Variants in ANK2 observed in about 807,000 individuals in gnomAD.
ANK2 encodes ankyrin-2.
ANK2 carries 83 observed loss-of-function variants against 360.5 expected under a neutral mutation model. The ratio of observed to expected loss-of-function variants is 0.23; its 90% confidence interval spans 0.19 to 0.28. The LOEUF is 0.28. Among genes scored for constraint, ANK2 ranks in the 10% least tolerant of loss-of-function variants. The pLI is 1.00. For synonymous variants in ANK2, 1,740 were observed against 1,759.5 expected, an observed-to-expected ratio of 0.99 and a Z score of 0.28; for missense variants, 4,201 against 4,795.7, an observed-to-expected ratio of 0.88 and a Z score of 3.66.
At chr4:113,298,695 T>C (rs1487861903) in intron 22 of ANK2, among the ~76,000 whole-genome samples, 2 of 152,222 alleles carry the variant, frequency 1.3e-5, no homozygotes, top group African/African-American at 4.8e-5. Context: ...GTACTTAGTG[T>C]CCTACTCATT....
chr4:112,816,571 A>G (rs2055657084), upstream of ANK2, among the ~76,000 whole-genome samples: 1 of 152,186 alleles, frequency 6.6e-6, no homozygotes, highest in South Asian at 2.1e-4. Context: ...ATTAACATAT[A>G]AGAAAATGGC....
intron 20 of ANK2, among the ~76,000 whole-genome samples, chr4:113,288,954 G>GGGC (rs2153733403): frequency 6.6e-6 from 1 of 152,214 alleles, no homozygotes; most frequent in South Asian, 2.1e-4. Context: ...TATAAGGCCT[G>GGGC]GGCTGGAAGT....
At chr4:112,743,415 C>T in the ANK2 span, among the ~76,000 whole-genome samples, 1 of 151,984 alleles carries the variant, frequency 6.6e-6, no homozygotes, top group East Asian at 1.9e-4. Flanking sequence ...AGATAACTTC[C>T]TTATATTATA....
In ANK2 at chr4:112,932,308, A is replaced by G. The variant is rs895945647; in HGVS notation, c.21+27794A>G. On this transcript the variant is annotated intron_variant, in intron 2 of 30. Transcript: ENST00000503271. The stretch of plus-strand genomic sequence containing the variant: ...GGAGTTCGAGACCAGCCTGACCCAC[A>G]TGGTGAAACCCCATCTCTACTAAAA... Among the ~76,000 whole-genome samples, 4 of 152,262 alleles carry G rather than the reference A, an allele frequency of 2.6e-5. No homozygotes were observed. The South Asian group carries it at 8.3e-4, about 32-fold the overall frequency.
At chr4:112,855,430 A>C (rs1412804097) in intron 1 of ANK2, among the ~76,000 whole-genome samples, 1 of 152,220 alleles carries the variant, frequency 6.6e-6, no homozygotes, top group Non-Finnish European at 1.5e-5. Context: ...GTACACTGAC[A>C]ACAGGTTGCA....
chr4:113,290,152 T>C (rs1246149759), intron 20 of ANK2, among the ~76,000 whole-genome samples: 1 of 151,710 alleles, frequency 6.6e-6, no homozygotes, highest in Non-Finnish European at 1.5e-5. Context: ...AATCTCATTT[T>C]ATCATTTCAG....
At chr4:113,258,632 G>A (rs1461446548) in intron 13 of ANK2, among the ~76,000 whole-genome samples, 2 of 152,158 alleles carry the variant, frequency 1.3e-5, no homozygotes, top group African/African-American at 4.8e-5. Flanking sequence ...AAGCTATGAA[G>A]TGAGACAGCT....
chr4:113,235,275 C>G (rs2099362743), intron 5 of ANK2, among the ~76,000 whole-genome samples: 1 of 152,080 alleles, frequency 6.6e-6, no homozygotes, highest in Non-Finnish European at 1.5e-5. Context: ...TAAATTCAGG[C>G]TACTATTTTT....
chr4:113,372,626 G>A (rs1333367924), intron 43 of ANK2: 1 of 1,531,866 alleles, frequency 6.5e-7, no homozygotes. Flanking sequence ...GATTATTCAG[G>A]TACCCACTGT....
chr4:113,153,705 T>C (rs562163550), intron 1 of ANK2, among the ~76,000 whole-genome samples: 1 of 152,338 alleles, frequency 6.6e-6, no homozygotes, highest in East Asian at 1.9e-4. Context: ...ATGAAAAGTC[T>C]AGTTAATCCT....
intron 2 of ANK2, among the ~76,000 whole-genome samples, chr4:113,011,247 G>A (rs971507455): frequency 9.9e-5 from 15 of 151,892 alleles, no homozygotes; most frequent in Non-Finnish European, 1.9e-4. Flanking sequence ...GTTTAAGCTG[G>A]GATAAATGTT....
rs777111364 is a variant in ANK2, at chr4:113,363,510, A to G, written c.10888+41A>G. The G allele has an allele frequency of 2.2e-5, 36 of 1,611,728 alleles. No homozygotes were observed. The East Asian group carries it at 4.7e-4, about 21-fold the overall frequency. ...TATGCATATTGGGCTAAAGTTGGAC[A>G]TGTCTTGCTCAACAACCGCATCTTG... On this transcript the variant is annotated intron_variant, in intron 40 of 45. Transcript: ENST00000357077.
chr4:113,355,144 A>G lies in ANK2; in HGVS notation c.6526A>G (p.Thr2176Ala), dbSNP rs199825993. Reference protein sequence around the residue: ...LDQVLTSPFNTTFPLDYMKDE... With the variant: ...LDQVLTSPFNATFPLDYMKDE... ...CCAAGTACTCACTAGTCCTTTCAAC[A>G]CAACATTTCCACTCGACTACATGAA... The change falls in exon 38 of 46, where the codon ACA becomes GCA. Residue 2176 changes from threonine to alanine, a missense_variant. Physicochemically the swap from Thr to Ala is moderately conservative, Grantham distance 58. Transcript: ENST00000357077. The G allele has an allele frequency of 6.2e-7, 1 of 1,614,096 alleles. No homozygotes were observed. The highest frequency in any genetic ancestry group is 2.2e-5 in the East Asian group (1 of 44,872).
intron 2 of ANK2, among the ~76,000 whole-genome samples, chr4:112,962,960 A>AT (rs1173349904): frequency 1.3e-5 from 2 of 152,074 alleles, no homozygotes; most frequent in Non-Finnish European, 2.9e-5. Flanking sequence ...TATATCTCAG[A>AT]TTTTTTCAGC....
At chr4:112,836,135 G>A (rs2060936900) in intron 1 of ANK2, among the ~76,000 whole-genome samples, 2 of 152,122 alleles carry the variant, frequency 1.3e-5, no homozygotes, top group East Asian at 1.9e-4. Flanking sequence ...CCTGATGAGA[G>A]GTAATTGGAT....
chr4:112,886,176 T>G (rs909324398), intron 1 of ANK2, among the ~76,000 whole-genome samples: 3 of 152,142 alleles, frequency 2.0e-5, no homozygotes, highest in Non-Finnish European at 4.4e-5. Context: ...AGGTCAAGAC[T>G]CCATGAGGCC....
chr4:112,782,011 G>A, the ANK2 span, among the ~76,000 whole-genome samples: 1 of 151,884 alleles, frequency 6.6e-6, no homozygotes, highest in Non-Finnish European at 1.5e-5. Context: ...TGTATTTTTA[G>A]TAGAGACAGG....
At chr4:113,046,983 C>G (rs1041251271), upstream of ANK2, among the ~76,000 whole-genome samples, 100 of 152,272 alleles carry the variant, frequency 6.6e-4, no homozygotes, top group African/African-American at 2.3e-3. Context: ...ATTGGGCTAC[C>G]AAACACATTG....
intron 14 of ANK2, among the ~76,000 whole-genome samples, chr4:113,268,169 CA>C (rs985148289): frequency 1.3e-5 from 2 of 152,112 alleles, no homozygotes; most frequent in African/African-American, 4.8e-5. Flanking sequence ...ATGGGGTTTT[CA>C]AAATATACAA....
Sources: allele counts gnomAD v4.1 joint callset (sites outside exome capture counted in the v4.1 genomes callset), GRCh38; gene constraint gnomAD v4.1.1; transcripts MANE v1.5; gene names NCBI Gene and HGNC (gene_info 2026-07-23, HGNC 2026-07-21).